The following MAGI2 variants were observed in gnomAD, a reference collection of about 807,000 sequenced individuals.
The protein encoded by MAGI2 is membrane associated guanylate kinase, WW and PDZ domain containing 2.
Under a neutral mutation model 133.3 loss-of-function variants are expected in MAGI2, and 35 were observed. The observed-to-expected ratio is 0.26, with a 90% CI of 0.20 to 0.35. The LOEUF (loss-of-function observed/expected upper bound fraction) is 0.35, where lower values mean the gene tolerates loss of function less well. MAGI2 is among the 10% of genes least tolerant of loss of function. The probability of loss-of-function intolerance (pLI) is 1.00; values close to 1 mark genes in which losing one functional copy is unlikely to be tolerated. For missense variants in MAGI2, 1,636 were observed against 1,863.4 expected, an observed-to-expected ratio of 0.88 and a Z score of 2.25; for synonymous variants, 729 against 710.6, an observed-to-expected ratio of 1.03 and a Z score of -0.41.
At chr7:79,360,071 T>C (rs565749490) in intron 1 of MAGI2, among the ~76,000 whole-genome samples, 12 of 152,284 alleles carry the variant, frequency 7.9e-5, no homozygotes, top group African/African-American at 2.4e-4. Flanking sequence ...CAAATAAATC[T>C]TCAGCCAACA....
At chr7:78,318,667 A>G (rs1787682894) in intron 9 of MAGI2, among the ~76,000 whole-genome samples, 1 of 152,166 alleles carries the variant, frequency 6.6e-6, no homozygotes, top group African/African-American at 2.4e-5. Flanking sequence ...ACACATAACC[A>G]TCAGGTTTAC....
At chr7:78,461,393 C>CGTGCGTGT (rs1554423796) in intron 6 of MAGI2, among the ~76,000 whole-genome samples, 1 of 138,018 alleles carries the variant, frequency 7.2e-6, no homozygotes, top group Non-Finnish European at 1.6e-5. Flanking sequence ...CGTGTGTGTG[C>CGTGCGTGT]GTGTGTGTGT....
intron 1 of MAGI2, among the ~76,000 whole-genome samples, chr7:79,227,776 G>A (rs1055993884): frequency 6.6e-6 from 1 of 152,138 alleles, no homozygotes; most frequent in East Asian, 1.9e-4. Flanking sequence ...AAGTTGAATT[G>A]TTAACTGGTT....
intron 6 of MAGI2, among the ~76,000 whole-genome samples, chr7:78,423,963 T>C (rs1799039293): frequency 6.6e-6 from 1 of 152,130 alleles, no homozygotes; most frequent in Non-Finnish European, 1.5e-5. Flanking sequence ...AAAAACCCAT[T>C]TTCTGAGGCG....
At chr7:78,351,504 C>T (rs959617872) in intron 7 of MAGI2, among the ~76,000 whole-genome samples, 1 of 151,878 alleles carries the variant, frequency 6.6e-6, no homozygotes, top group Non-Finnish European at 1.5e-5. Context: ...AGTGAGAGGA[C>T]TGGCTTGGGG....
In MAGI2 at chr7:78,019,449, G is replaced by C. The variant is rs1808073271; in HGVS notation, c.4234C>G (p.Pro1412Ala). 1 of 984,588 alleles carries C rather than the reference G, an allele frequency of 1.0e-6. No individual in the cohort carries two copies. Among genetic ancestry groups the C allele is most frequent in the East Asian group, 1.1e-4 (1 of 8,798 alleles). 61.0% of individuals were successfully genotyped at this position (984,588 alleles called of 1,614,324 possible). Residue 1412 changes from proline (P) to alanine (A), a missense_variant, in exon 22 of 22, where the codon CCC becomes GCC. Pro to Ala is a conservative substitution (Grantham distance 27, BLOSUM62 -1). Around this residue, in one of 5 missense-constraint regions of MAGI2, gnomAD observed 354 missense variants for 298.7 expected, o/e 1.19. Coordinates refer to ENST00000354212, the MANE Select transcript of MAGI2 (RefSeq NM_012301.4). The part of the protein sequence containing the change: ...AEGRAGARAG[P>A]RPGPRPPGGA... ...CCCGGGGGTCGCGGGCCCGGCCGGG[G>C]ACCCGCGCGCGCACCCGCCCTGCCC...
intron 2 of MAGI2, among the ~76,000 whole-genome samples, chr7:78,874,954 C>T (rs1306398747): frequency 6.6e-6 from 1 of 151,964 alleles, no homozygotes; most frequent in Non-Finnish European, 1.5e-5. Context: ...TGACTAAATG[C>T]AAGCAGAAAT....
intron 10 of MAGI2, among the ~76,000 whole-genome samples, chr7:78,208,559 A>G (rs1787359886): frequency 6.6e-6 from 1 of 152,168 alleles, no homozygotes; most frequent in Non-Finnish European, 1.5e-5. Flanking sequence ...AGATAAGGGG[A>G]ATAAAGAGAG....
intron 1 of MAGI2, among the ~76,000 whole-genome samples, chr7:79,279,542 G>A (rs1368033651): frequency 6.6e-6 from 1 of 152,110 alleles, no homozygotes; most frequent in Non-Finnish European, 1.5e-5. Flanking sequence ...GGTGGCTCAC[G>A]CCTGTAATCC....
intron 9 of MAGI2, among the ~76,000 whole-genome samples, chr7:78,312,517 A>T (rs1798797281): frequency 6.6e-6 from 1 of 152,216 alleles, no homozygotes; most frequent in Non-Finnish European, 1.5e-5. Flanking sequence ...AAGGAACTCA[A>T]ACAACTCCAC....
chr7:78,654,343 G>C (rs1204519274), intron 2 of MAGI2, among the ~76,000 whole-genome samples: 1 of 152,014 alleles, frequency 6.6e-6, no homozygotes, highest in Admixed American at 6.6e-5. Flanking sequence ...ATAGTATGTG[G>C]CACACAGTGA....
chr7:78,580,459 T>C (rs889909374), intron 3 of MAGI2, among the ~76,000 whole-genome samples: 2 of 150,994 alleles, frequency 1.3e-5, no homozygotes, highest in African/African-American at 4.9e-5. Flanking sequence ...TTCCTGTTGA[T>C]GTGTATTGTA....
intron 2 of MAGI2, among the ~76,000 whole-genome samples, chr7:78,934,753 T>A (rs1409155598): frequency 1.3e-5 from 2 of 152,120 alleles, no homozygotes; most frequent in Non-Finnish European, 2.9e-5. Flanking sequence ...CTGAAAAAAT[T>A]TGAAATCAGA....
intron 2 of MAGI2, among the ~76,000 whole-genome samples, chr7:78,636,153 T>G (rs1027476790): frequency 6.6e-6 from 1 of 152,200 alleles, no homozygotes; most frequent in African/African-American, 2.4e-5. Flanking sequence ...ACTATGCACA[T>G]TTTATAAAAT....
At chr7:78,508,460 T>C (rs1201516375) in intron 4 of MAGI2, among the ~76,000 whole-genome samples, 1 of 152,234 alleles carries the variant, frequency 6.6e-6, no homozygotes, top group Non-Finnish European at 1.5e-5. Context: ...ATCTTTCTTC[T>C]GTATCGGCTT....
intron 1 of MAGI2, among the ~76,000 whole-genome samples, chr7:79,225,926 A>T (rs890202277): frequency 6.6e-6 from 1 of 152,144 alleles, no homozygotes; most frequent in Non-Finnish European, 1.5e-5. Flanking sequence ...TGAGATAATT[A>T]TATCCCAACA....
intron 6 of MAGI2, among the ~76,000 whole-genome samples, chr7:78,457,899 A>G (rs1005742244): frequency 6.6e-6 from 1 of 152,208 alleles, no homozygotes; most frequent in African/African-American, 2.4e-5. Context: ...TTTTTGCACA[A>G]GTATATTCAA....
chr7:78,829,656 T>A lies in MAGI2; in HGVS notation c.418+177434A>T, dbSNP rs1385134972. Among the ~76,000 whole-genome samples, 6 of 152,190 alleles carry A rather than the reference T, an allele frequency of 3.9e-5. No individual in the cohort carries two copies. The East Asian group carries it at 7.7e-4, about 20-fold the overall frequency. On this transcript the variant is annotated intron_variant, in intron 2 of 21. Transcript: ENST00000354212. ...GTGAAATAAAGCCATAAGAAAGACA[T>A]CGGTCTCTTGTTTTAAAATTCCAAT... is the stretch of plus-strand genomic sequence containing the variant.
intron 2 of MAGI2, among the ~76,000 whole-genome samples, chr7:78,676,981 C>T (rs1232848821): frequency 6.6e-6 from 1 of 152,060 alleles, no homozygotes; most frequent in Non-Finnish European, 1.5e-5. Context: ...GGCTGTTATC[C>T]TAACTGTTTT....
Sources: allele counts gnomAD v4.1 joint callset (sites outside exome capture counted in the v4.1 genomes callset), GRCh38; gene constraint gnomAD v4.1.1; regional missense constraint gnomAD v4.1.1; transcripts MANE v1.5; gene names NCBI Gene and HGNC (gene_info 2026-07-23, HGNC 2026-07-21).